The following MED4 variants were observed in gnomAD, a reference collection of about 807,000 sequenced individuals.
MED4 encodes mediator of RNA polymerase II transcription subunit 4.
In MED4, 21 loss-of-function variants were observed where a neutral mutation model predicts 35.0. That is an observed-to-expected ratio of 0.60 (90% CI 0.43 to 0.86). The LOEUF (loss-of-function observed/expected upper bound fraction) is 0.86, where lower values mean the gene tolerates loss of function less well. Among genes scored for constraint, MED4 ranks in the 40% least tolerant of loss-of-function variants. The probability of loss-of-function intolerance (pLI) is 0.00; values close to 1 mark genes in which losing one functional copy is unlikely to be tolerated. For synonymous variants in MED4, 138 were observed against 114.0 expected, an observed-to-expected ratio of 1.21 and a Z score of -1.34; for missense variants, 300 against 319.4, an observed-to-expected ratio of 0.94 and a Z score of 0.46.
At chr13:48,084,843 A>AAT (rs1457089560) in intron 3 of MED4, among the ~76,000 whole-genome samples, 3 of 150,900 alleles carry the variant, frequency 2.0e-5, no homozygotes, top group Non-Finnish European at 4.4e-5. Context: ...TACAGATTTT[A>AAT]ATATATATAT....
Position 48,076,887 on chromosome 13 carries a change from A to C in MED4, c.*252T>G, listed in dbSNP as rs1950763110. 2.7e-6 allele frequency: 1 copy of C among 373,664 alleles called. No individual in the cohort carries two copies. Among genetic ancestry groups the C allele is most frequent in the Admixed American group, 4.4e-5 (1 of 22,836 alleles). The allele number at this position is 373,664 out of a possible 1,614,324, so 23.1% of individuals were successfully genotyped here. ...GGAACAGAACAGGGTAAGAAAGCAC[A>C]TAGCAACTGCTTTTTCAACAGTAAA... On this transcript the variant is annotated 3_prime_UTR_variant, in exon 7 of 7. Transcript: ENST00000258648.
chr13:48,085,518 T>A (rs910563495), intron 3 of MED4, among the ~76,000 whole-genome samples: 6 of 152,200 alleles, frequency 3.9e-5, no homozygotes, highest in Non-Finnish European at 8.8e-5. Flanking sequence ...TAAAAACTAT[T>A]TACTAGTGAG....
At chr13:48,080,000 A>G (rs767286699) in intron 5 of MED4, 25 bp from the exon 6 acceptor site, 123 of 1,604,430 alleles carry the variant, frequency 7.7e-5, no homozygotes, top group Admixed American at 5.8e-4. Context: ...ACTGCATTTA[A>G]TTCAATCATA....
chr13:48,091,355 T>C (rs1362119167), intron 1 of MED4, among the ~76,000 whole-genome samples: 1 of 152,246 alleles, frequency 6.6e-6, no homozygotes, highest in Non-Finnish European at 1.5e-5. Context: ...AACTTGTTGA[T>C]AGATGGGACT....
At chr13:48,093,232 T>C (rs1242198018) in intron 1 of MED4, among the ~76,000 whole-genome samples, 1 of 152,230 alleles carries the variant, frequency 6.6e-6, no homozygotes, top group Non-Finnish European at 1.5e-5. Flanking sequence ...AACATGGTTC[T>C]GTGGAACAAT....
chr13:48,077,699 T>C (rs922842783), intron 6 of MED4: 4 of 153,816 alleles, frequency 2.6e-5, no homozygotes, highest in African/African-American at 9.6e-5. Context: ...GCATAAGCTA[T>C]TGTGCCAATT....
chr13:48,090,374 A>G lies in MED4; in HGVS notation c.170T>C (p.Leu57Ser), dbSNP rs1478407252. 3 of 1,595,320 alleles carry G rather than the reference A, an allele frequency of 1.9e-6. No homozygotes were observed. In the East Asian group the frequency reaches 6.7e-5, roughly 36 times the overall value. ...TACCTGGTTTTCCTCTCCAGCCTGTAACAACTTTTGGTTTCTTGAAATTGC... is the reference window on the plus strand; with the variant it reads ...TACCTGGTTTTCCTCTCCAGCCTGTGACAACTTTTGGTTTCTTGAAATTGC... The part of the protein sequence containing the change: ...MLAISRNQKL[L>S]QAGEENQVLE... The change falls in exon 2 of 7, where the codon TTA becomes TCA. Residue 57 changes from leucine (L) to serine (S), a missense_variant. Transcript: ENST00000258648.
chr13:48,087,291 G>C (rs1034437438), intron 2 of MED4, among the ~76,000 whole-genome samples: 1 of 152,002 alleles, frequency 6.6e-6, no homozygotes, highest in Admixed American at 6.6e-5. Flanking sequence ...CTTGAACCCG[G>C]AGGCAGAGGC....
intron 5 of MED4, among the ~76,000 whole-genome samples, chr13:48,080,861 C>T (rs146169948): frequency 2.0e-5 from 3 of 151,766 alleles, no homozygotes; most frequent in Non-Finnish European, 4.4e-5. Context: ...GAAACTAATT[C>T]GTGTAAGTGG....
chr13:48,080,831 C>T (rs947155928), intron 5 of MED4, among the ~76,000 whole-genome samples: 4 of 151,912 alleles, frequency 2.6e-5, no homozygotes, highest in African/African-American at 9.7e-5. Flanking sequence ...TCTAACCAAC[C>T]TCTTTGATCT....
Position 48,076,927 on chromosome 13 carries a change from C to CT in MED4, c.*211dup. ...TCAACAGTAAATTTTGACTATTCCC[C>CT]TAAATATCTACCTAGTGGCTTAAAA... On this transcript the variant is annotated 3_prime_UTR_variant, in exon 7 of 7. Coordinates refer to ENST00000258648, the MANE Select transcript of MED4 (RefSeq NM_014166.4). The CT allele has an allele frequency of 2.2e-6, 1 of 450,056 alleles. No individual in the cohort carries two copies. The highest frequency in any genetic ancestry group is 3.9e-6 in the Non-Finnish European group (1 of 255,700). The allele number at this position is 450,056 out of a possible 1,614,324, so 27.9% of individuals were successfully genotyped here. A position where few individuals can be genotyped will look rare whatever the true frequency, so the allele number is the denominator to read the frequency against.
intron 3 of MED4, among the ~76,000 whole-genome samples, chr13:48,085,170 AT>A (rs56225303): frequency 0.013 from 1,786 of 139,240 alleles, 19 homozygotes; most frequent in African/African-American, 0.045. Flanking sequence ...TGCCCAGCTA[AT>A]TTTTTTTTTT....
In MED4 at chr13:48,075,734, TAAAGTA is replaced by T. The variant is rs753844201; in HGVS notation, c.*1399_*1404del. On this transcript the variant is annotated 3_prime_UTR_variant, in exon 7 of 7. Transcript: ENST00000258648. ...CATACCACAATAAAATTTTAGCCATTAAAGTAAATCTTTCAAGAATGTATACACATG... is the reference window on the plus strand; with the variant it reads ...CATACCACAATAAAATTTTAGCCATTAATCTTTCAAGAATGTATACACATG... 1.8e-4 allele frequency among the ~76,000 whole-genome samples: 27 copies of T among 152,176 alleles called. No individual in the cohort carries two copies. The highest frequency in any genetic ancestry group is 2.5e-4 in the Non-Finnish European group (17 of 68,018).
chr13:48,083,530 T>C lies in MED4; in HGVS notation c.364-102A>G, dbSNP rs1420006043. On this transcript the variant is annotated intron_variant, in intron 3 of 6. Transcript: ENST00000258648. The stretch of plus-strand genomic sequence containing the variant: ...ATCCTTTAGCCTACAAGAACAATCT[T>C]TGAAACTTGGAAATCCCAACAATTT... 6.1e-6 allele frequency: 5 copies of C among 816,698 alleles called. No individual in the cohort carries two copies. Among genetic ancestry groups the C allele is most frequent in the Middle Eastern group, 2.3e-4 (1 of 4,260 alleles). The allele number at this position is 816,698 out of a possible 1,614,324, so 50.6% of individuals were successfully genotyped here. A position where few individuals can be genotyped will look rare whatever the true frequency, so the allele number is the denominator to read the frequency against.
intron 6 of MED4, among the ~76,000 whole-genome samples, chr13:48,079,293 T>C (rs1950786458): frequency 6.6e-6 from 1 of 152,238 alleles, no homozygotes; most frequent in South Asian, 2.1e-4. Flanking sequence ...AAGCTATGTT[T>C]AGAGCAATAA....
chr13:48,092,104 TTTTTTTA>T (rs912475447), intron 1 of MED4, among the ~76,000 whole-genome samples: 3 of 152,120 alleles, frequency 2.0e-5, no homozygotes, highest in African/African-American at 7.2e-5. Flanking sequence ...TGTTTCATTC[TTTTTTTA>T]TTTTTTATTT....
chr13:48,075,783 T>C lies in MED4; in HGVS notation c.*1356A>G, dbSNP rs1398513885. On this transcript the variant is annotated 3_prime_UTR_variant, in exon 7 of 7. Coordinates refer to ENST00000258648, the MANE Select transcript of MED4 (RefSeq NM_014166.4). ...TACACATGGATCAATATTCCTAGTA[T>C]ACGGACAAGGCAAGGTTAAAATTAG... 6.6e-6 allele frequency among the ~76,000 whole-genome samples: 1 copy of C among 152,234 alleles called. No homozygotes were observed. Among genetic ancestry groups the C allele is most frequent in the Non-Finnish European group, 1.5e-5 (1 of 68,044 alleles).
In MED4 at chr13:48,076,911, A is replaced by T; in HGVS notation, c.*228T>A. 1 of 420,872 alleles carries T rather than the reference A, an allele frequency of 2.4e-6. No individual in the cohort carries two copies. Among genetic ancestry groups the T allele is most frequent in the Non-Finnish European group, 4.2e-6 (1 of 237,254 alleles). The allele number at this position is 420,872 out of a possible 1,614,324, so 26.1% of individuals were successfully genotyped here. On this transcript the variant is annotated 3_prime_UTR_variant, in exon 7 of 7. Coordinates refer to ENST00000258648, the MANE Select transcript of MED4 (RefSeq NM_014166.4). ...CATAGCAACTGCTTTTTCAACAGTAAATTTTGACTATTCCCCTAAATATCT... is the reference window on the plus strand; with the variant it reads ...CATAGCAACTGCTTTTTCAACAGTATATTTTGACTATTCCCCTAAATATCT...
At chr13:48,094,889 C>G (rs1950917306) in intron 1 of MED4, 65 bp downstream of exon 1, 1 of 1,578,706 alleles carries the variant, frequency 6.3e-7, no homozygotes. Context: ...AAACGCAGGG[C>G]CGGCCGGCTC....
Sources: allele counts gnomAD v4.1 joint callset (sites outside exome capture counted in the v4.1 genomes callset), GRCh38; gene constraint gnomAD v4.1.1; transcripts MANE v1.5; gene names NCBI Gene and HGNC (gene_info 2026-07-23, HGNC 2026-07-21).